Variants in TAB3 observed in about 807,000 individuals in gnomAD.
TAB3 encodes TGF-beta-activated kinase 1 and MAP3K7-binding protein 3.
Under a neutral mutation model 48.1 loss-of-function variants are expected in TAB3, and 18 were observed. The ratio of observed to expected loss-of-function variants is 0.37; its 90% CI spans 0.26 to 0.55. The LOEUF (loss-of-function observed/expected upper bound fraction) is 0.55. Ranked by LOEUF, TAB3 falls within the 20% of genes least tolerant of loss-of-function variation. The pLI is 0.78. For synonymous variants in TAB3, 185 were observed against 190.2 expected (o/e 0.97, Z 0.22); for missense variants, 414 against 549.8 (o/e 0.75, Z 2.47).
chrX:30,844,857 T>C (rs1164613427), intron 8 of TAB3: 2 of 112,831 alleles, frequency 1.8e-5, no homozygotes, highest in Non-Finnish European at 3.7e-5. Context: ...AGTCTCCTTC[T>C]GTTGCCTAGG....
intron 10 of TAB3, among the ~76,000 whole-genome samples, chrX:30,831,848 C>T (rs968918286): frequency 9.0e-6 from 1 of 111,677 alleles, no homozygotes; most frequent in African/African-American, 3.3e-5. Flanking sequence ...CTGTAAATAG[C>T]GGAGAGTTAT....
intron 2 of TAB3, among the ~76,000 whole-genome samples, chrX:30,868,498 TTATATA>T (rs757399989): frequency 1.6e-3 from 12 of 7,707 alleles, no homozygotes; most frequent in South Asian, 6.1e-3. Context: ...TATATATAGC[TTATATA>T]TATATATATA....
In TAB3 at chrX:30,830,146, T is replaced by C. The variant is rs1937983284; in HGVS notation, c.*1281A>G. ...TCTATTTCATAAATAAGGAGTGCTT[T>C]AAAATGATCTGAACTGCCTGTAGAG... On this transcript the variant is annotated 3_prime_UTR_variant, in exon 11 of 11. Coordinates refer to ENST00000288422, the MANE Select transcript of TAB3 (RefSeq NM_152787.5). The C allele has an allele frequency of 9.0e-6, 1 of 111,715 alleles. No homozygotes were observed. 9.2% of individuals were successfully genotyped at this position (111,715 alleles called of 1,213,427 possible).
chrX:30,857,565 C>T (rs1939114973), intron 5 of TAB3, among the ~76,000 whole-genome samples: 1 of 110,922 alleles, frequency 9.0e-6, no homozygotes, highest in African/African-American at 3.3e-5. Context: ...TCCATGTTCT[C>T]TACACTGAGT....
chrX:30,884,301 G>A (rs1447009379), intron 1 of TAB3, among the ~76,000 whole-genome samples: 1 of 111,907 alleles, frequency 8.9e-6, no homozygotes, highest in East Asian at 2.8e-4. Context: ...CTCTTTTTGA[G>A]TATTCACCAT....
intron 1 of TAB3, among the ~76,000 whole-genome samples, chrX:30,881,507 G>T (rs1939998201): frequency 9.0e-6 from 1 of 111,358 alleles, no homozygotes; most frequent in Non-Finnish European, 1.9e-5. Flanking sequence ...AAATATACAA[G>T]AGGTGTCAAA....
At chrX:30,879,845 T>G (rs1327212128) in intron 1 of TAB3, among the ~76,000 whole-genome samples, 1 of 111,681 alleles carries the variant, frequency 9.0e-6, no homozygotes, top group African/African-American at 3.2e-5. Flanking sequence ...ATCAAATACA[T>G]ACTCTAAAGA....
chrX:30,843,644 A>G (rs760719875), intron 8 of TAB3: 3 of 112,227 alleles, frequency 2.7e-5, no homozygotes. Context: ...TCTTACACTA[A>G]GTGTTAAATG....
intron 6 of TAB3, 79 bp from the exon 7 acceptor site, chrX:30,853,017 G>A: frequency 9.8e-7 from 1 of 1,015,825 alleles, no homozygotes; most frequent in Non-Finnish European, 1.3e-6. Flanking sequence ...CACTGCTAAT[G>A]TATAAAAGAC....
Position 30,830,488 on chromosome X carries a change from A to G in TAB3, c.*939T>C, listed in dbSNP as rs894416475. 4.4e-5 allele frequency: 5 copies of G among 112,431 alleles called. No homozygotes were observed. Among genetic ancestry groups the G allele is most frequent in the African/African-American group, 1.6e-4 (5 of 30,845 alleles). 9.3% of individuals were successfully genotyped at this position (112,431 alleles called of 1,213,427 possible). ...AGGCCCTATGGACTGCAAAAGTTTAAGAACCACAGCTGAGCTCAAGATTTC... is the reference window on the plus strand; with the variant it reads ...AGGCCCTATGGACTGCAAAAGTTTAGGAACCACAGCTGAGCTCAAGATTTC... On this transcript the variant is annotated 3_prime_UTR_variant, in exon 11 of 11. Transcript: ENST00000288422.
At chrX:30,835,460 T>C (rs1343869609) in intron 9 of TAB3, 1 of 113,524 alleles carries the variant, frequency 8.8e-6, no homozygotes, top group Non-Finnish European at 1.9e-5. Flanking sequence ...TTTGGCTGGA[T>C]TGTCCCTCTA....
chrX:30,887,522 C>T, intron 1 of TAB3, among the ~76,000 whole-genome samples: 1 of 112,856 alleles, frequency 8.9e-6, no homozygotes, highest in Non-Finnish European at 1.9e-5. Flanking sequence ...GGTGAAAGAA[C>T]ACACACTCTA....
At chrX:30,834,469 C>T (rs1569201383) in intron 9 of TAB3, among the ~76,000 whole-genome samples, 1 of 111,308 alleles carries the variant, frequency 9.0e-6, no homozygotes, top group African/African-American at 3.3e-5. Flanking sequence ...AAATAAATGT[C>T]GATGTGAAAG....
intron 4 of TAB3, 104 bp downstream of exon 4, chrX:30,867,011 T>C (rs1397111668): frequency 9.0e-6 from 1 of 111,160 alleles, no homozygotes; most frequent in Non-Finnish European, 1.9e-5. Context: ...AATGTGAGAA[T>C]GGCACTTTAC....
At chrX:30,868,498 T>TTA (rs757399989) in intron 2 of TAB3, among the ~76,000 whole-genome samples, 1 of 7,709 alleles carries the variant, frequency 1.3e-4, no homozygotes, top group Non-Finnish European at 2.1e-4. Context: ...TATATATAGC[T>TTA]TATATATATA....
Position 30,828,264 on chromosome X carries a change from A to T in TAB3, c.*3163T>A, listed in dbSNP as rs1397975831. ...TGGATATGAACCCTAGACAACTGTGACAAAGCAATGACAAAATTTAAGGAA... is the reference window on the plus strand; with the variant it reads ...TGGATATGAACCCTAGACAACTGTGTCAAAGCAATGACAAAATTTAAGGAA... On this transcript the variant is annotated 3_prime_UTR_variant, in exon 11 of 11. Transcript: ENST00000288422. The T allele has an allele frequency of 8.8e-6, 1 of 113,940 alleles. No homozygotes were observed. The highest frequency in any genetic ancestry group is 9.5e-5 in the Admixed American group (1 of 10,541). 9.4% of individuals were successfully genotyped at this position (113,940 alleles called of 1,213,427 possible).
At chrX:30,837,443 C>T (rs1938273708) in intron 9 of TAB3, among the ~76,000 whole-genome samples, 2 of 111,850 alleles carry the variant, frequency 1.8e-5, no homozygotes, top group African/African-American at 6.5e-5. Context: ...CTGATTACCC[C>T]AGGAAAATTC....
At chrX:30,880,446 G>A (rs190283773) in intron 1 of TAB3, among the ~76,000 whole-genome samples, 29 of 111,687 alleles carry the variant, frequency 2.6e-4, no homozygotes, top group Admixed American at 1.2e-3. Context: ...TATCCATATA[G>A]GAAAAGACGG....
rs1938905282 is a variant in TAB3 at position 30,852,772 on chromosome X, A to G, written c.1710+6T>C. ...TCCTATTAACACATCCTAACAGATC[A>G]CTTACCGTAGGGATCGCAGTGGTGC... On this transcript the variant is annotated splice_donor_region_variant and intron_variant, in intron 7 of 10. Transcript: ENST00000288422. 8.3e-7 allele frequency: 1 copy of G among 1,205,901 alleles called. No homozygotes were observed. The highest frequency in any genetic ancestry group is 1.8e-5 in the African/African-American group (1 of 57,053).
Sources: allele counts gnomAD v4.1 joint callset (sites outside exome capture counted in the v4.1 genomes callset), GRCh38; gene constraint gnomAD v4.1.1; transcripts MANE v1.5; gene names NCBI Gene and HGNC (gene_info 2026-07-23, HGNC 2026-07-21).